SCHIP1: variants seen among roughly 807,000 people sequenced by gnomAD.
The protein encoded by SCHIP1 is schwannomin-interacting protein 1.
In SCHIP1, 8 loss-of-function variants were observed where a neutral mutation model predicts 29.7. That is an observed-to-expected ratio of 0.27 (90% CI 0.16 to 0.49). SCHIP1 has a LOEUF of 0.49. Ranked by LOEUF, SCHIP1 falls within the 20% of genes least tolerant of loss-of-function variation. The pLI is 0.99. For synonymous variants in SCHIP1, 76 were observed against 94.9 expected, an observed-to-expected ratio of 0.80 and a Z score of 1.16; for missense variants, 193 against 294.6, an observed-to-expected ratio of 0.66 and a Z score of 2.52.
At chr3:159,734,134 A>AC in the SCHIP1 span, among the ~76,000 whole-genome samples, 1 of 122,786 alleles carries the variant, frequency 8.1e-6, no homozygotes, top group East Asian at 2.3e-4. Context: ...ATTATTGTTT[A>AC]CTTTTTTTTT....
chr3:159,526,678 C>T, the SCHIP1 span, among the ~76,000 whole-genome samples: 1 of 152,158 alleles, frequency 6.6e-6, no homozygotes, highest in Non-Finnish European at 1.5e-5. Context: ...AAAGTAGCTC[C>T]TGTTTGTTTT....
At chr3:159,617,753 C>A in the SCHIP1 span, among the ~76,000 whole-genome samples, 2 of 152,258 alleles carry the variant, frequency 1.3e-5, no homozygotes, top group African/African-American at 4.8e-5. Context: ...AACCACCAGG[C>A]CTTTGAGTCT....
chr3:159,676,828 A>C, the SCHIP1 span, among the ~76,000 whole-genome samples: 8 of 152,316 alleles, frequency 5.3e-5, no homozygotes, highest in South Asian at 1.4e-3. Flanking sequence ...TGCAACCCAA[A>C]GGAAGTCTTC....
intron 2 of SCHIP1, among the ~76,000 whole-genome samples, chr3:159,884,333 A>G (rs1476737513): frequency 6.9e-6 from 1 of 145,550 alleles, no homozygotes; most frequent in African/African-American, 2.6e-5. Context: ...AAAAAAATAT[A>G]TATGTGTGTC....
the SCHIP1 span, among the ~76,000 whole-genome samples, chr3:159,680,705 T>TTA: frequency 5.4e-4 from 3 of 5,592 alleles, no homozygotes; most frequent in East Asian, 0.012. Context: ...ATAATATATA[T>TTA]TATATATAAT....
chr3:159,402,368 T>C, the SCHIP1 span, among the ~76,000 whole-genome samples: 11 of 152,216 alleles, frequency 7.2e-5, no homozygotes, highest in African/African-American at 2.7e-4. Flanking sequence ...TGGAAGTCGG[T>C]GTGGCGATTC....
the SCHIP1 span, among the ~76,000 whole-genome samples, chr3:159,614,358 T>C: frequency 1.3e-5 from 2 of 152,236 alleles, no homozygotes; most frequent in African/African-American, 2.4e-5. Context: ...TGTCCTAATA[T>C]GGATTTTATT....
chr3:159,589,818 A>T, the SCHIP1 span, among the ~76,000 whole-genome samples: 1 of 151,754 alleles, frequency 6.6e-6, no homozygotes, highest in Non-Finnish European at 1.5e-5. Flanking sequence ...TAGATGTCAG[A>T]ATTTTTCAAG....
chr3:159,492,519 A>G, the SCHIP1 span, among the ~76,000 whole-genome samples: 5 of 152,346 alleles, frequency 3.3e-5, no homozygotes, highest in African/African-American at 1.2e-4. Context: ...AGATGAAATG[A>G]ATGAAATGAA....
chr3:159,721,940 A>G, the SCHIP1 span: 1 of 418,196 alleles, frequency 2.4e-6, no homozygotes, highest in Non-Finnish European at 4.8e-6. Context: ...CTTGAAGTTC[A>G]TAAAGGCAGT....
chr3:159,451,426 T>C, the SCHIP1 span, among the ~76,000 whole-genome samples: 2 of 152,230 alleles, frequency 1.3e-5, no homozygotes, highest in African/African-American at 4.8e-5. Flanking sequence ...AGCACACATT[T>C]CCACTGTGAA....
chr3:159,452,452 C>T, the SCHIP1 span, among the ~76,000 whole-genome samples: 5 of 152,148 alleles, frequency 3.3e-5, no homozygotes, highest in African/African-American at 9.7e-5. Flanking sequence ...CTTCCAGCTT[C>T]GTCCCTGTCC....
At chr3:159,743,556 T>C in the SCHIP1 span, among the ~76,000 whole-genome samples, 1 of 152,212 alleles carries the variant, frequency 6.6e-6, no homozygotes, top group South Asian at 2.1e-4. Context: ...AGATTAATGG[T>C]TACTTGAGTT....
chr3:159,888,754 G>A (rs1258266187), intron 4 of SCHIP1, 66 bp from the exon 6 acceptor site: 4 of 1,573,718 alleles, frequency 2.5e-6, no homozygotes, highest in African/African-American at 2.7e-5. Flanking sequence ...GAGAAAACTG[G>A]GTCTTAACGT....
chr3:159,771,227 C>T, the SCHIP1 span, among the ~76,000 whole-genome samples: 1 of 152,210 alleles, frequency 6.6e-6, no homozygotes, highest in Non-Finnish European at 1.5e-5. Context: ...CAATGACACA[C>T]TACTAAAGTA....
At chr3:159,436,135 T>G in the SCHIP1 span, among the ~76,000 whole-genome samples, 1 of 152,142 alleles carries the variant, frequency 6.6e-6, no homozygotes, top group Non-Finnish European at 1.5e-5. Context: ...ATATTGCTAG[T>G]GATTTAATCA....
At chr3:159,763,661 C>G in the SCHIP1 span, 7 of 152,254 alleles carry the variant, frequency 4.6e-5, no homozygotes, top group Non-Finnish European at 7.3e-5. Flanking sequence ...GGGACCGGCT[C>G]CACCGCCAGG....
the SCHIP1 span, among the ~76,000 whole-genome samples, chr3:159,328,872 T>C: frequency 6.6e-6 from 1 of 152,318 alleles, no homozygotes; most frequent in South Asian, 2.1e-4. Flanking sequence ...TTTTACTGTG[T>C]CTTCGGTCAG....
chr3:159,583,311 A>G, the SCHIP1 span, among the ~76,000 whole-genome samples: 1 of 152,130 alleles, frequency 6.6e-6, no homozygotes, highest in Non-Finnish European at 1.5e-5. Context: ...CCTATCACCA[A>G]TCTGACTTCC....
Sources: allele counts gnomAD v4.1 joint callset (sites outside exome capture counted in the v4.1 genomes callset), GRCh38; gene constraint gnomAD v4.1.1; transcripts MANE v1.5; gene names NCBI Gene and HGNC (gene_info 2026-07-23, HGNC 2026-07-21).